Variants in FAF1 observed in about 807,000 individuals in gnomAD.
The protein encoded by FAF1 is Fas associated factor 1.
In FAF1, 25 loss-of-function variants were observed where a neutral mutation model predicts 92.5. The observed-to-expected ratio is 0.27, with a 90% CI of 0.20 to 0.38. The LOEUF (loss-of-function observed/expected upper bound fraction) is 0.38. Ranked by LOEUF, FAF1 falls within the 10% of genes least tolerant of loss-of-function variation. The probability of loss-of-function intolerance (pLI) is 1.00; values close to 1 mark genes in which losing one functional copy is unlikely to be tolerated. For missense variants in FAF1, 636 were observed against 793.3 expected (o/e 0.80, Z 2.38); for synonymous variants, 234 against 273.2 (o/e 0.86, Z 1.42).
intron 1 of FAF1, among the ~76,000 whole-genome samples, chr1:50,935,003 T>G (rs921136108): frequency 6.6e-6 from 1 of 152,208 alleles, no homozygotes; most frequent in East Asian, 1.9e-4. Context: ...TACATGTGAT[T>G]TTCCTTGCAT....
intron 1 of FAF1, among the ~76,000 whole-genome samples, chr1:50,932,353 C>T (rs1339501541): frequency 6.6e-6 from 1 of 152,156 alleles, no homozygotes; most frequent in Admixed American, 6.5e-5. Context: ...AATGAGGGTA[C>T]AGGTATTGGG....
chr1:50,581,982 T>C (rs1243597120), intron 12 of FAF1, among the ~76,000 whole-genome samples: 2 of 148,620 alleles, frequency 1.3e-5, no homozygotes, highest in East Asian at 4.1e-4. Context: ...ATTCTTGTTA[T>C]GGGCTTCTTC....
chr1:50,676,765 T>C (rs746417374), intron 7 of FAF1, among the ~76,000 whole-genome samples: 14 of 152,248 alleles, frequency 9.2e-5, no homozygotes, highest in Middle Eastern at 3.4e-3. Flanking sequence ...GAGGTTGCAG[T>C]GAGCCAAGAT....
At chr1:50,822,107 A>C (rs944244678) in intron 2 of FAF1, among the ~76,000 whole-genome samples, 2 of 151,672 alleles carry the variant, frequency 1.3e-5, no homozygotes, top group African/African-American at 4.8e-5. Flanking sequence ...TAACAGCCAA[A>C]TATTTTGTTT....
chr1:50,706,443 T>G (rs1429770657), intron 6 of FAF1, among the ~76,000 whole-genome samples: 2 of 152,186 alleles, frequency 1.3e-5, no homozygotes, highest in African/African-American at 4.8e-5. Context: ...ATTTAGAAAC[T>G]GGAGAAATCA....
rs1558000811 is a variant in FAF1, at chr1:50,574,896, C to CTGTTTTTTTTTTTTTTTTTTT, written c.1114-7666_1114-7665insAAAAAAAAAAAAAAAAAAACA. On this transcript the variant is annotated intron_variant, in intron 12 of 18. Coordinates refer to ENST00000396153, the MANE Select transcript of FAF1 (RefSeq NM_007051.3). ...GTTTAAGCATATAGAGTTGTATTAA[C>CTGTTTTTTTTTTTTTTTTTTT]TCTTTTTTTTTTTTTTTTTTTTTTT... is the stretch of plus-strand genomic sequence containing the variant. Among the ~76,000 whole-genome samples the CTGTTTTTTTTTTTTTTTTTTT allele has an allele frequency of 1.4e-4, 17 of 122,910 alleles. 1 individual carries two copies. The highest frequency in any genetic ancestry group is 4.9e-4 in the African/African-American group (15 of 30,800). The allele number at this position is 122,910 out of a possible 152,430, so 80.6% of individuals were successfully genotyped here. A position where few individuals can be genotyped will look rare whatever the true frequency, so the allele number is the denominator to read the frequency against.
At chr1:50,925,186 C>T (rs1252453391) in intron 1 of FAF1, among the ~76,000 whole-genome samples, 1 of 151,968 alleles carries the variant, frequency 6.6e-6, no homozygotes, top group African/African-American at 2.4e-5. Flanking sequence ...AAACTAGACC[C>T]CTATCTATCA....
At chr1:50,880,750 T>C (rs1167542862) in intron 1 of FAF1, among the ~76,000 whole-genome samples, 2 of 152,214 alleles carry the variant, frequency 1.3e-5, no homozygotes, top group African/African-American at 4.8e-5. Flanking sequence ...AAATGTGGCA[T>C]AACAAGAGCA....
In FAF1 at chr1:50,959,927, C is replaced by T; in HGVS notation, c.-116G>A. 1.8e-6 allele frequency: 1 copy of T among 562,474 alleles called. No individual in the cohort carries two copies. The highest frequency in any genetic ancestry group is 2.5e-6 in the Non-Finnish European group (1 of 407,432). The allele number at this position is 562,474 out of a possible 1,614,324, so 34.8% of individuals were successfully genotyped here. ...CCGCCGCCGGGCGCCGAGGGGCTGG[C>T]GGGCGAGCCGGCGGGCGGGTCGGCG... On this transcript the variant is annotated 5_prime_UTR_variant, in exon 1 of 19. Transcript: ENST00000396153.
rs1373521916 is a variant in FAF1, at chr1:50,437,146, A to T, written c.*4294T>A. On this transcript the variant is annotated 3_prime_UTR_variant, in exon 19 of 19. Coordinates refer to ENST00000396153, the MANE Select transcript of FAF1 (RefSeq NM_007051.3). The stretch of plus-strand genomic sequence containing the variant: ...CACCTTCCAAAGCAGATTATTTGAG[A>T]CAAGGACAAAATACTAAATGCAGAG... 1.3e-5 allele frequency: 2 copies of T among 152,242 alleles called. No individual in the cohort carries two copies. Among genetic ancestry groups the T allele is most frequent in the Non-Finnish European group, 2.9e-5 (2 of 68,038 alleles). The allele number at this position is 152,242 out of a possible 1,614,324, so 9.4% of individuals were successfully genotyped here.
chr1:50,607,878 A>G (rs1404327330), intron 8 of FAF1, among the ~76,000 whole-genome samples: 1 of 152,236 alleles, frequency 6.6e-6, no homozygotes, highest in Non-Finnish European at 1.5e-5. Flanking sequence ...TGTGGATGTC[A>G]CAGTGATGCA....
In FAF1 at chr1:50,525,966, C is replaced by G. The variant is rs1018844312; in HGVS notation, c.1494+9403G>C. Among the ~76,000 whole-genome samples, 4 of 152,168 alleles carry G rather than the reference C, an allele frequency of 2.6e-5. No individual in the cohort carries two copies. In the East Asian group the frequency reaches 5.8e-4, roughly 22 times the overall value. On this transcript the variant is annotated intron_variant, in intron 15 of 18. Transcript: ENST00000396153. The stretch of plus-strand genomic sequence containing the variant: ...TTAATACTGAGTACATGATACTCAC[C>G]CAGATGCAAACCACAAACTTTAGGA...
At chr1:50,694,463 A>T (rs932928063) in intron 7 of FAF1, among the ~76,000 whole-genome samples, 3 of 151,618 alleles carry the variant, frequency 2.0e-5, no homozygotes, top group African/African-American at 7.3e-5. Context: ...TAATTATCTC[A>T]CTTATAATTA....
At chr1:50,909,667 C>T (rs1273464701) in intron 1 of FAF1, among the ~76,000 whole-genome samples, 1 of 152,194 alleles carries the variant, frequency 6.6e-6, no homozygotes, top group Non-Finnish European at 1.5e-5. Context: ...TTGATCAAAT[C>T]AGCTATTGAA....
At chr1:50,705,234 C>T (rs1003476224) in intron 7 of FAF1, among the ~76,000 whole-genome samples, 2 of 152,166 alleles carry the variant, frequency 1.3e-5, no homozygotes, top group African/African-American at 4.8e-5. Context: ...TCTTTTGAAA[C>T]AGTGGCCCTG....
chr1:50,450,208 A>C (rs1646278397), intron 18 of FAF1, among the ~76,000 whole-genome samples: 1 of 151,968 alleles, frequency 6.6e-6, no homozygotes, highest in African/African-American at 2.4e-5. Context: ...AAAAAAAAAA[A>C]AAGCTACCAT....
At chr1:50,840,034 G>A (rs1644243189) in intron 2 of FAF1, among the ~76,000 whole-genome samples, 1 of 151,868 alleles carries the variant, frequency 6.6e-6, no homozygotes, top group South Asian at 2.1e-4. Context: ...TAAAACAAGT[G>A]AGTATCCATT....
At chr1:50,586,961 C>T (rs752616786) in intron 9 of FAF1, among the ~76,000 whole-genome samples, 4 of 152,172 alleles carry the variant, frequency 2.6e-5, no homozygotes, top group African/African-American at 4.8e-5. Context: ...ACGAGTATGA[C>T]AAATCTTCTC....
intron 13 of FAF1, among the ~76,000 whole-genome samples, chr1:50,554,390 T>TATAG: frequency 0.021 from 1,935 of 93,580 alleles, 27 homozygotes; most frequent in Middle Eastern, 0.045. Context: ...TATATATATA[T>TATAG]AGAGAGAGAG....
Sources: allele counts gnomAD v4.1 joint callset (sites outside exome capture counted in the v4.1 genomes callset), GRCh38; gene constraint gnomAD v4.1.1; transcripts MANE v1.5; gene names NCBI Gene and HGNC (gene_info 2026-07-23, HGNC 2026-07-21).